Variants in SNX17 observed in about 807,000 individuals in gnomAD.
SNX17 encodes sorting nexin 17.
In SNX17, 35 loss-of-function variants were observed where a neutral mutation model predicts 64.3. The observed-to-expected ratio is 0.54, with a 90% CI of 0.42 to 0.72. The LOEUF (loss-of-function observed/expected upper bound fraction) is 0.72, where lower values mean the gene tolerates loss of function less well. SNX17 is among the 30% of genes least tolerant of loss of function. The pLI is 0.00. For synonymous variants in SNX17, 259 were observed against 230.2 expected (o/e 1.13, Z -1.13); for missense variants, 538 against 610.0 (o/e 0.88, Z 1.24).
intron 11 of SNX17, 30 bp from the exon 12 acceptor site, chr2:27,376,076 C>T (rs771641415): frequency 6.2e-7 from 1 of 1,613,658 alleles, no homozygotes; most frequent in Admixed American, 1.7e-5. Context: ...TGACCACTCT[C>T]ATCAAGCTGG....
At position 27,375,686 on chromosome 2, in the gene SNX17, C is replaced by A. The variant is rs776030359; in HGVS notation, c.955C>A (p.Arg319=). 1 of 1,613,942 alleles carries A rather than the reference C, an allele frequency of 6.2e-7. No homozygotes were observed. Among genetic ancestry groups the A allele is most frequent in the Non-Finnish European group, 8.5e-7 (1 of 1,180,044 alleles). ...AGGCTCCTTCCGGGTCACCCGCATG[C>A]GATGCTGGCGGGTCACCTCCTCTGT... ...REGSFRVTRM[R]CWRVTSSVPL... The change falls in exon 10 of 15, where the codon CGA becomes AGA. Residue 319 remains arginine (R), a synonymous_variant. Coordinates refer to ENST00000233575, the MANE Select transcript of SNX17 (RefSeq NM_014748.4). This position sits in a 1 kb window ranked among gnomAD's most constrained non-coding sequence, Gnocchi z 4.1.
At chr2:27,373,343 A>G (rs756846787) in intron 4 of SNX17, 32 bp downstream of exon 4, 2 of 1,610,698 alleles carry the variant, frequency 1.2e-6, no homozygotes, top group Non-Finnish European at 1.7e-6. Context: ...AGATTTAAGG[A>G]AAGGACCTTG....
rs757970634 is a variant in SNX17, at chr2:27,377,524, CAT to C, written c.*806_*807del. 3 of 1,613,124 alleles carry C rather than the reference CAT, an allele frequency of 1.9e-6. No individual in the cohort carries two copies. The highest frequency in any genetic ancestry group is 2.5e-6 in the Non-Finnish European group (3 of 1,179,344). On this transcript the variant is annotated 3_prime_UTR_variant, in exon 15 of 15. Transcript: ENST00000233575. The surrounding 1 kb of genome is among the most constrained non-coding windows in gnomAD (Gnocchi z 4.4). Reference sequence around the variant, plus strand: ...TGGCTTCTGGTCCGTCTGTATAAAACATGGGGAAGAAGGACCTAGTTCAGGAT... The same window carrying C: ...TGGCTTCTGGTCCGTCTGTATAAAACGGGGAAGAAGGACCTAGTTCAGGAT...
intron 4 of SNX17, 196 bp downstream of exon 4, chr2:27,373,507 C>T (rs985446272): frequency 2.4e-5 from 14 of 580,592 alleles, no homozygotes; most frequent in Non-Finnish European, 4.3e-5. Flanking sequence ...GAATTACAGG[C>T]GCCTGCCACC....
Position 27,376,532 on chromosome 2 carries a change from C to G in SNX17, c.1299+12C>G, listed in dbSNP as rs757922535. ...TGGTCAAACTCTCAGTGAGTTCCAGCGTTGGTGAGGTTGCTGTTTGTTGGG... is the reference window on the plus strand; with the variant it reads ...TGGTCAAACTCTCAGTGAGTTCCAGGGTTGGTGAGGTTGCTGTTTGTTGGG... On this transcript the variant is annotated intron_variant, in intron 14 of 14. Coordinates refer to ENST00000233575, the MANE Select transcript of SNX17 (RefSeq NM_014748.4). The G allele has an allele frequency of 6.2e-7, 1 of 1,614,154 alleles. No homozygotes were observed. Among genetic ancestry groups the G allele is most frequent in the Non-Finnish European group, 8.5e-7 (1 of 1,180,024 alleles).
In SNX17 at chr2:27,375,032, C is replaced by T. The variant is rs202126474; in HGVS notation, c.682-29C>T. 4 of 1,600,140 alleles carry T rather than the reference C, an allele frequency of 2.5e-6. No homozygotes were observed. In the African/African-American group the frequency reaches 5.4e-5, roughly 21 times the overall value. On this transcript the variant is annotated intron_variant, in intron 8 of 14. Transcript: ENST00000233575. This position sits in a 1 kb window ranked among gnomAD's most constrained non-coding sequence, Gnocchi z 4.1. Reference sequence around the variant, plus strand: ...TCCTTGGATTGCTGACTGGGACCTCCTACTGCCTGCCCCTTGTCTCTACTA... The same window carrying T: ...TCCTTGGATTGCTGACTGGGACCTCTTACTGCCTGCCCCTTGTCTCTACTA...
rs1306607633 is a variant in SNX17, at chr2:27,376,787, C to T, written c.*68C>T. ...ACAGAAACTTGCCCTGTGCCTGTGTCCCCCATGCTAGGGGCGGAGGGGTCT... is the reference window on the plus strand; with the variant it reads ...ACAGAAACTTGCCCTGTGCCTGTGTTCCCCATGCTAGGGGCGGAGGGGTCT... On this transcript the variant is annotated 3_prime_UTR_variant, in exon 15 of 15. Coordinates refer to ENST00000233575, the MANE Select transcript of SNX17 (RefSeq NM_014748.4). 1 of 1,364,264 alleles carries T rather than the reference C, an allele frequency of 7.3e-7. No homozygotes were observed. The highest frequency in any genetic ancestry group is 1.4e-5 in the African/African-American group (1 of 70,252). 84.5% of individuals were successfully genotyped at this position (1,364,264 alleles called of 1,614,324 possible).
Position 27,370,683 on chromosome 2 carries a change from G to C in SNX17, c.-61G>C, listed in dbSNP as rs772195695. ...GGACTCGCTGAGCAGCGGAGGGGGAGCGTGCAGAGCCGCTGCGGCCCTCAC... is the reference window on the plus strand; with the variant it reads ...GGACTCGCTGAGCAGCGGAGGGGGACCGTGCAGAGCCGCTGCGGCCCTCAC... On this transcript the variant is annotated 5_prime_UTR_variant, in exon 1 of 15. Transcript: ENST00000233575. 2.7e-6 allele frequency: 4 copies of C among 1,497,350 alleles called. No homozygotes were observed. Among genetic ancestry groups the C allele is most frequent in the Middle Eastern group, 3.6e-4 (2 of 5,564 alleles). The allele number at this position is 1,497,350 out of a possible 1,614,324, so 92.8% of individuals were successfully genotyped here. A position where few individuals can be genotyped will look rare whatever the true frequency, so the allele number is the denominator to read the frequency against.
At position 27,376,979 on chromosome 2, in the gene SNX17, A is replaced by ATGGC. The variant is rs1414403594; in HGVS notation, c.*263_*266dup. Reference sequence around the variant, plus strand: ...TATTTTGCACAAAGTCTAAGGGACCATGGCTGCCTGCCTTGGGGAGGAACC... The same window carrying ATGGC: ...TATTTTGCACAAAGTCTAAGGGACCATGGCTGGCTGCCTGCCTTGGGGAGGAACC... On this transcript the variant is annotated 3_prime_UTR_variant, in exon 15 of 15. Transcript: ENST00000233575. 2 of 488,704 alleles carry ATGGC rather than the reference A, an allele frequency of 4.1e-6. No individual in the cohort carries two copies. The highest frequency in any genetic ancestry group is 1.9e-5 in the African/African-American group (1 of 51,334). The allele number at this position is 488,704 out of a possible 1,614,324, so 30.3% of individuals were successfully genotyped here.
chr2:27,375,507 T>A lies in SNX17; in HGVS notation c.776T>A (p.Phe259Tyr). 1 of 1,614,078 alleles carries A rather than the reference T, an allele frequency of 6.2e-7. No homozygotes were observed. Among genetic ancestry groups the A allele is most frequent in the South Asian group, 1.1e-5 (1 of 91,088 alleles). The change falls in exon 10 of 15, where the codon TTC becomes TAC. Residue 259 changes from phenylalanine to tyrosine, a missense_variant and splice_region_variant. Around this residue, in one of 3 missense-constraint regions of SNX17, gnomAD observed 505 missense variants for 550.4 expected, o/e 0.92. Transcript: ENST00000233575. The surrounding 1 kb of genome is among the most constrained non-coding windows in gnomAD (Gnocchi z 4.1). ...CCCCATGTGATGACCATTTTTCAGTTCCTGAGACTGGCCCAGACGCTGCGG... is the reference window on the plus strand; with the variant it reads ...CCCCATGTGATGACCATTTTTCAGTACCTGAGACTGGCCCAGACGCTGCGG... ...SLQEKVSKKE[F>Y]LRLAQTLRHY...
intron 7 of SNX17, 82 bp from the exon 8 acceptor site, chr2:27,374,607 C>T (rs923137461): frequency 2.8e-6 from 4 of 1,419,016 alleles, no homozygotes; most frequent in Admixed American, 1.7e-5. Context: ...CCAGATTGCT[C>T]CTGTTTTGCC....
At chr2:27,371,177 C>G in intron 1 of SNX17, 92 bp from the exon 2 acceptor site, 2 of 1,146,778 alleles carry the variant, frequency 1.7e-6, no homozygotes, top group East Asian at 2.4e-5. Flanking sequence ...GCGCGTTACT[C>G]CGGCGAGTTG....
At position 27,375,453 on chromosome 2, in the gene SNX17, G is replaced by T; in HGVS notation, c.775-53G>T. On this transcript the variant is annotated intron_variant, in intron 9 of 14. Transcript: ENST00000233575. This position sits in a 1 kb window ranked among gnomAD's most constrained non-coding sequence, Gnocchi z 4.1. ...GCGCCCGACCGGGGTTGCTTTTTCT[G>T]AGCTGCCCCATTCTCCCTCCTAATC... The T allele has an allele frequency of 6.2e-7, 1 of 1,604,642 alleles. No individual in the cohort carries two copies.
chr2:27,373,491 T>A (rs953433057), intron 4 of SNX17, 180 bp downstream of exon 4: 4 of 610,192 alleles, frequency 6.6e-6, no homozygotes, highest in Non-Finnish European at 1.1e-5. Context: ...GCCTCCCAAG[T>A]AGCTAGAATT....
At chr2:27,374,639 C>A (rs534827456) in intron 7 of SNX17, 50 bp from the exon 8 acceptor site, 2 of 1,572,672 alleles carry the variant, frequency 1.3e-6, no homozygotes, top group Non-Finnish European at 1.7e-6. Context: ...CTACCTCTTG[C>A]CTTAACCCAG....
intron 3 of SNX17, chr2:27,372,953 C>T (rs959895153): frequency 6.8e-5 from 90 of 1,329,652 alleles, no homozygotes; most frequent in Non-Finnish European, 7.1e-5. Flanking sequence ...ATGAGAAATA[C>T]TAGTATAACA....
In SNX17 at chr2:27,375,899, G is replaced by A. The variant is rs773838061; in HGVS notation, c.1032G>A (p.Val344=). 8.7e-6 allele frequency: 14 copies of A among 1,614,080 alleles called. No homozygotes were observed. Among genetic ancestry groups the A allele is most frequent in the African/African-American group, 8.0e-5 (6 of 74,936 alleles). ...GCCCAGGCCGGGGCCGGGGTGAGGT[G>A]CGCCTGGAACTGGCTTTTGAATACC... ...TSSPGRGRGE[V]RLELAFEYLM... is the part of the protein sequence containing the mutation. Residue 344 remains valine (V), a synonymous_variant, in exon 11 of 15, where the codon GTG becomes GTA. Transcript: ENST00000233575. The surrounding 1 kb of genome is among the most constrained non-coding windows in gnomAD (Gnocchi z 4.1).
chr2:27,374,579 C>T, intron 7 of SNX17, 110 bp from the exon 8 acceptor site: 1 of 1,250,412 alleles, frequency 8.0e-7, no homozygotes, highest in South Asian at 1.2e-5. Context: ...CCCACTATAC[C>T]ATTAGCCCCT....
chr2:27,375,497 AT>A lies in SNX17; in HGVS notation c.775-4del. ...CCTAATCTACCCCCATGTGATGACC[AT>A]TTTTCAGTTCCTGAGACTGGCCCAG... On this transcript the variant is annotated splice_region_variant and splice_polypyrimidine_tract_variant and intron_variant, in intron 9 of 14. Coordinates refer to ENST00000233575, the MANE Select transcript of SNX17 (RefSeq NM_014748.4). This position sits in a 1 kb window ranked among gnomAD's most constrained non-coding sequence, Gnocchi z 4.1. The A allele has an allele frequency of 6.2e-7, 1 of 1,613,672 alleles. No individual in the cohort carries two copies. The highest frequency in any genetic ancestry group is 8.5e-7 in the Non-Finnish European group (1 of 1,179,950).
Sources: gnomAD v4.1 joint callset for allele counts on GRCh38, gnomAD v4.1.1 for gene constraint, gnomAD v4.1.1 regional missense constraint, Gnocchi (gnomAD v3.1) non-coding constraint, MANE v1.5 for transcripts, NCBI Gene and HGNC (gene_info 2026-07-23, HGNC 2026-07-21) for gene names.